The following DTNB variants were observed in gnomAD, a reference collection of about 807,000 sequenced individuals.
The protein encoded by DTNB is DTN-B.
A neutral mutation model predicts 90.7 loss-of-function variants in DTNB; 63 were observed. The observed-to-expected ratio is 0.69, with a 90% CI of 0.57 to 0.86. The LOEUF (loss-of-function observed/expected upper bound fraction) is 0.86. DTNB is among the 40% of genes least tolerant of loss of function. The pLI is 0.00. For missense variants in DTNB, 744 were observed against 807.1 expected, an observed-to-expected ratio of 0.92 and a Z score of 0.95; for synonymous variants, 277 against 286.7, an observed-to-expected ratio of 0.97 and a Z score of 0.34.
In DTNB at chr2:25,392,120, T is replaced by C. The variant is rs115096188; in HGVS notation, c.1576-3759A>G. Among the ~76,000 whole-genome samples the C allele has an allele frequency of 3.9e-3, 586 of 151,822 alleles. 4 individuals carry two copies. Among genetic ancestry groups the C allele is most frequent in the African/African-American group, 0.014 (559 of 41,390 alleles). On this transcript the variant is annotated intron_variant, in intron 16 of 20. Transcript: ENST00000406818. ...CACACAAAACAATACAAAAGATAAATGAAACAGGCCAGGCACGGTGGCTCA... is the reference window on the plus strand; with the variant it reads ...CACACAAAACAATACAAAAGATAAACGAAACAGGCCAGGCACGGTGGCTCA...
At chr2:25,617,238 A>C (rs1248667843) in intron 4 of DTNB, among the ~76,000 whole-genome samples, 2 of 152,214 alleles carry the variant, frequency 1.3e-5, no homozygotes, top group African/African-American at 4.8e-5. Context: ...GGATAAACAG[A>C]CTGTATAAGC....
intron 16 of DTNB, among the ~76,000 whole-genome samples, chr2:25,397,305 T>C (rs1290673884): frequency 7.2e-6 from 1 of 139,588 alleles, no homozygotes; most frequent in East Asian, 2.1e-4. Context: ...GCCACTGCAC[T>C]CCAGCCTGGA....
In DTNB at chr2:25,401,236, G is replaced by A. The variant is rs1287694460; in HGVS notation, c.1576-12875C>T. ...GGAACATGGATCAGTCAAGACTTCT[G>A]ATGACTGACACTAACCGTGATTTTC... On this transcript the variant is annotated intron_variant, in intron 16 of 20. Coordinates refer to ENST00000406818, the MANE Select transcript of DTNB (RefSeq NM_021907.5). Among the ~76,000 whole-genome samples the A allele has an allele frequency of 4.6e-5, 7 of 152,342 alleles. 1 individual carries two copies. The Middle Eastern group carries it at 0.01, about 222-fold the overall frequency.
intron 6 of DTNB, among the ~76,000 whole-genome samples, chr2:25,595,609 C>T (rs2064427849): frequency 6.6e-6 from 1 of 152,086 alleles, no homozygotes; most frequent in African/African-American, 2.4e-5. Flanking sequence ...GTCAAGACCA[C>T]CAGAAGGAAA....
chr2:25,413,784 G>C (rs888390483), intron 16 of DTNB, among the ~76,000 whole-genome samples: 1 of 152,042 alleles, frequency 6.6e-6, no homozygotes, highest in African/African-American at 2.4e-5. Flanking sequence ...TAATCCTTTG[G>C]GTATATACCC....
intron 4 of DTNB, 136 bp from the exon 5 acceptor site, chr2:25,607,457 T>G: frequency 1.2e-6 from 1 of 829,814 alleles, no homozygotes. Context: ...TTAGAAACCC[T>G]GGATTTTTTT....
chr2:25,477,211 T>C (rs539954355), intron 10 of DTNB, among the ~76,000 whole-genome samples: 21 of 152,364 alleles, frequency 1.4e-4, no homozygotes, highest in Middle Eastern at 3.4e-3. Flanking sequence ...TATGAGGCTA[T>C]AGTATAGTGT....
intron 16 of DTNB, among the ~76,000 whole-genome samples, chr2:25,407,855 T>G (rs2045607417): frequency 6.6e-6 from 1 of 152,190 alleles, no homozygotes; most frequent in Non-Finnish European, 1.5e-5. Context: ...TGCACCAAAA[T>G]GTCAGAATTC....
chr2:25,490,291 G>T (rs934685543), intron 9 of DTNB, among the ~76,000 whole-genome samples: 1 of 149,152 alleles, frequency 6.7e-6, no homozygotes, highest in Admixed American at 6.7e-5. Context: ...CGGGCAGGGG[G>T]AATTATAGAC....
At chr2:25,644,408 G>A (rs1204568038) in intron 2 of DTNB, among the ~76,000 whole-genome samples, 1 of 152,204 alleles carries the variant, frequency 6.6e-6, no homozygotes, top group African/African-American at 2.4e-5. Context: ...GCTAGAAGAT[G>A]TAAGCATAAT....
chr2:25,592,373 C>A (rs2063737857), intron 6 of DTNB, among the ~76,000 whole-genome samples: 1 of 152,072 alleles, frequency 6.6e-6, no homozygotes, highest in Non-Finnish European at 1.5e-5. Flanking sequence ...TATTAAGAAA[C>A]CACCAGGGCT....
At chr2:25,445,968 A>G (rs1018286370) in intron 12 of DTNB, among the ~76,000 whole-genome samples, 2 of 151,530 alleles carry the variant, frequency 1.3e-5, no homozygotes, top group Admixed American at 6.6e-5. Context: ...TTCCTCAACA[A>G]GAACGTTTTG....
chr2:25,507,292 A>G (rs2072697101), intron 9 of DTNB, among the ~76,000 whole-genome samples: 1 of 152,196 alleles, frequency 6.6e-6, no homozygotes, highest in Non-Finnish European at 1.5e-5. Context: ...ACCCACATCA[A>G]TAAGACATGT....
chr2:25,425,070 A>C (rs1048685033), intron 15 of DTNB, among the ~76,000 whole-genome samples: 5 of 152,214 alleles, frequency 3.3e-5, no homozygotes, highest in Admixed American at 6.5e-5. Flanking sequence ...GTTTAAGTAC[A>C]TCCCTGCTGT....
chr2:25,643,498 T>G (rs2078798851), intron 2 of DTNB, among the ~76,000 whole-genome samples: 1 of 152,176 alleles, frequency 6.6e-6, no homozygotes, highest in Non-Finnish European at 1.5e-5. Flanking sequence ...GTGTTGCTAG[T>G]GCAAAAAACT....
intron 13 of DTNB, among the ~76,000 whole-genome samples, chr2:25,433,651 C>A (rs909011000): frequency 6.6e-6 from 1 of 151,850 alleles, no homozygotes; most frequent in Non-Finnish European, 1.5e-5. Flanking sequence ...GGGGGTCACA[C>A]GGATGGGTGG....
chr2:25,628,567 CCACAGCG>C (rs2074971630), intron 3 of DTNB, among the ~76,000 whole-genome samples, 183 bp from the exon 4 acceptor site: 1 of 152,126 alleles, frequency 6.6e-6, no homozygotes, highest in Non-Finnish European at 1.5e-5. Flanking sequence ...CAAGGAGCCA[CCACAGCG>C]GTATGGGAAG....
At chr2:25,595,860 A>AT (rs988503818) in intron 6 of DTNB, among the ~76,000 whole-genome samples, 5 of 151,890 alleles carry the variant, frequency 3.3e-5, no homozygotes, top group Admixed American at 3.3e-4. Context: ...AAAATATTTC[A>AT]TTTTTTTCCA....
chr2:25,629,016 A>G (rs1179168492), intron 3 of DTNB, among the ~76,000 whole-genome samples: 1 of 152,204 alleles, frequency 6.6e-6, no homozygotes, highest in Non-Finnish European at 1.5e-5. Context: ...TCTTCTTGAA[A>G]ACGACAAAAA....
Sources: allele counts gnomAD v4.1 joint callset (sites outside exome capture counted in the v4.1 genomes callset), GRCh38; gene constraint gnomAD v4.1.1; transcripts MANE v1.5; gene names NCBI Gene and HGNC (gene_info 2026-07-23, HGNC 2026-07-21).